MCCC1: variants seen among roughly 807,000 people sequenced by gnomAD.
The protein encoded by MCCC1 is methylcrotonoyl-CoA carboxylase subunit alpha, mitochondrial.
In MCCC1, 64 loss-of-function variants were observed where a neutral mutation model predicts 83.8. The ratio of observed to expected loss-of-function variants is 0.76; its 90% CI spans 0.62 to 0.94. MCCC1 has a LOEUF of 0.94. Ranked by LOEUF, MCCC1 falls within the 40% of genes least tolerant of loss-of-function variation. The pLI is 0.00. For synonymous variants in MCCC1, 322 were observed against 315.4 expected, an observed-to-expected ratio of 1.02 and a Z score of -0.22; for missense variants, 807 against 904.7, an observed-to-expected ratio of 0.89 and a Z score of 1.39.
At chr3:183,084,258 G>A (rs939365322) in intron 4 of MCCC1, among the ~76,000 whole-genome samples, 2 of 152,208 alleles carry the variant, frequency 1.3e-5, no homozygotes, top group African/African-American at 4.8e-5. Flanking sequence ...ACCACACTTT[G>A]AGTAGCAAGA....
chr3:183,054,480 C>G (rs1371425538), intron 8 of MCCC1, among the ~76,000 whole-genome samples: 2 of 152,094 alleles, frequency 1.3e-5, no homozygotes, highest in African/African-American at 4.8e-5. Flanking sequence ...AGCCACCGCG[C>G]CCGGCCTAGA....
chr3:183,061,493 T>C (rs1400501372), intron 7 of MCCC1, among the ~76,000 whole-genome samples: 2 of 152,154 alleles, frequency 1.3e-5, no homozygotes, highest in Non-Finnish European at 2.9e-5. Flanking sequence ...TTGGTGAGGT[T>C]CCTGGAGGCA....
intron 3 of MCCC1, chr3:183,091,058 T>C (rs1471251484): frequency 4.4e-6 from 2 of 456,288 alleles, no homozygotes; most frequent in Non-Finnish European, 8.8e-6. Context: ...AGAGGGAGAA[T>C]TGGAGGTTGG....
chr3:183,033,355 A>G (rs1713241265), intron 14 of MCCC1, among the ~76,000 whole-genome samples: 2 of 152,210 alleles, frequency 1.3e-5, no homozygotes, highest in African/African-American at 4.8e-5. Flanking sequence ...TGTGAATCCT[A>G]GTTCTGCCAC....
chr3:183,057,426 T>C lies in MCCC1; in HGVS notation c.762-4A>G. The C allele has an allele frequency of 6.3e-7, 1 of 1,593,612 alleles. No homozygotes were observed. The highest frequency in any genetic ancestry group is 8.6e-7 in the Non-Finnish European group (1 of 1,166,162). The stretch of plus-strand genomic sequence containing the variant: ...AAACACCTGGACTTCTACATGCCTA[T>C]ATAAAAGCAAACATGTATGTTAATA... On this transcript the variant is annotated splice_region_variant and splice_polypyrimidine_tract_variant and intron_variant, in intron 7 of 18. Transcript: ENST00000265594.
intron 15 of MCCC1, among the ~76,000 whole-genome samples, chr3:183,025,014 A>C (rs1352144912): frequency 6.6e-6 from 1 of 152,198 alleles, no homozygotes; most frequent in Non-Finnish European, 1.5e-5. Flanking sequence ...AAGAACCTTG[A>C]AGACACTGTG....
At chr3:183,029,038 G>C (rs1324411307) in intron 14 of MCCC1, 1 of 152,072 alleles carries the variant, frequency 6.6e-6, no homozygotes, top group African/African-American at 2.4e-5. Context: ...ACACAATAAA[G>C]TATAATATAA....
rs1712245411 is a variant in MCCC1, at chr3:183,022,547, T to C, written c.1739A>G (p.Asp580Gly). ...ATTACCAAGGACTTGGAAAGTTTTATCTTCAATCTGAAAAAAATGAAAAAT... is the reference window on the plus strand; with the variant it reads ...ATTACCAAGGACTTGGAAAGTTTTACCTTCAATCTGAAAAAAATGAAAAAT... ...HDGSYSMQIE[D>G]KTFQVLGNLY... The change falls in exon 16 of 19, where the codon GAT becomes GGT. Residue 580 changes from aspartate to glycine, a missense_variant. By Grantham distance (94) the Asp-to-Gly change is moderately conservative. Coordinates refer to ENST00000265594, the MANE Select transcript of MCCC1 (RefSeq NM_020166.5). 5 of 1,612,038 alleles carry C rather than the reference T, an allele frequency of 3.1e-6. No individual in the cohort carries two copies. The highest frequency in any genetic ancestry group is 2.2e-5 in the East Asian group (1 of 44,848).
At chr3:183,108,432 T>G (rs1216879322) in intron 1 of MCCC1, among the ~76,000 whole-genome samples, 1 of 152,228 alleles carries the variant, frequency 6.6e-6, no homozygotes, top group Non-Finnish European at 1.5e-5. Context: ...ATCACTTGAT[T>G]AAATTGGTGT....
At chr3:183,061,443 CAT>C (rs1280942091) in intron 7 of MCCC1, among the ~76,000 whole-genome samples, 2 of 152,166 alleles carry the variant, frequency 1.3e-5, no homozygotes, top group Non-Finnish European at 2.9e-5. Flanking sequence ...TGCTGTAAAA[CAT>C]GAGGGATTTT....
chr3:183,090,165 A>G (rs1718213146), intron 3 of MCCC1, among the ~76,000 whole-genome samples: 2 of 152,214 alleles, frequency 1.3e-5, no homozygotes, highest in Admixed American at 1.3e-4. Context: ...GGACACTGAG[A>G]GAAGACAAGA....
chr3:183,103,803 G>A (rs556885062), upstream of MCCC1, among the ~76,000 whole-genome samples: 6 of 152,310 alleles, frequency 3.9e-5, no homozygotes, highest in South Asian at 4.1e-4. Context: ...AGGGGGCGGC[G>A]CTCATCGGGA....
intron 7 of MCCC1, among the ~76,000 whole-genome samples, chr3:183,065,675 T>C (rs1383641969): frequency 1.3e-5 from 2 of 152,194 alleles, no homozygotes; most frequent in African/African-American, 4.8e-5. Flanking sequence ...TTGTTTTAAG[T>C]TAAATAAGAT....
upstream of MCCC1, among the ~76,000 whole-genome samples, chr3:183,103,298 A>C (rs1272437801): frequency 6.6e-6 from 1 of 152,092 alleles, no homozygotes. Context: ...GCGGGTTGGC[A>C]CTACTCGCTC....
chr3:183,094,195 C>A (rs1042687017), intron 2 of MCCC1, among the ~76,000 whole-genome samples: 6 of 151,762 alleles, frequency 4.0e-5, no homozygotes, highest in Admixed American at 3.3e-4. Flanking sequence ...ATTACAGGCA[C>A]CCGCCACCAC....
At chr3:183,074,801 T>C (rs984886080) in intron 4 of MCCC1, among the ~76,000 whole-genome samples, 3 of 152,228 alleles carry the variant, frequency 2.0e-5, no homozygotes, top group Non-Finnish European at 2.9e-5. Flanking sequence ...GGGTTTGTTG[T>C]ACAGAGTTCG....
chr3:183,057,422 C>T lies in MCCC1; in HGVS notation c.762G>A (p.Arg254=), dbSNP rs149389595. 2.1e-5 allele frequency: 33 copies of T among 1,598,226 alleles called. No homozygotes were observed. Among genetic ancestry groups the T allele is most frequent in the Non-Finnish European group, 2.8e-5 (33 of 1,169,840 alleles). Residue 254 remains arginine, a splice_region_variant and synonymous_variant, in exon 8 of 19, where the codon AGG becomes AGA. Coordinates refer to ENST00000265594, the MANE Select transcript of MCCC1 (RefSeq NM_020166.5). ...MLIEKFVDTP[R]HVEVQVFGDH... ...CACCAAACACCTGGACTTCTACATG[C>T]CTATATAAAAGCAAACATGTATGTT...
chr3:183,038,610 T>G (rs1045229058), intron 12 of MCCC1, among the ~76,000 whole-genome samples: 1 of 152,174 alleles, frequency 6.6e-6, no homozygotes, highest in Non-Finnish European at 1.5e-5. Context: ...TTATTTTACT[T>G]TAGAGAAAAA....
At chr3:183,080,296 C>T (rs555639049) in intron 4 of MCCC1, among the ~76,000 whole-genome samples, 9 of 152,304 alleles carry the variant, frequency 5.9e-5, no homozygotes, top group African/African-American at 9.6e-5. Flanking sequence ...GCACCCAAGT[C>T]GTCTCTTGAA....
Sources: allele counts gnomAD v4.1 joint callset (sites outside exome capture counted in the v4.1 genomes callset), GRCh38; gene constraint gnomAD v4.1.1; transcripts MANE v1.5; gene names NCBI Gene and HGNC (gene_info 2026-07-23, HGNC 2026-07-21).